Variants in KAT6A observed in about 807,000 individuals in gnomAD.
KAT6A encodes histone acetyltransferase KAT6A.
Under a neutral mutation model 198.4 loss-of-function variants are expected in KAT6A, and 9 were observed. That is an observed-to-expected ratio of 0.05 (90% CI 0.03 to 0.08). The LOEUF is 0.08. Ranked by LOEUF, KAT6A falls within the 10% of genes least tolerant of loss-of-function variation. The pLI is 1.00. For missense variants in KAT6A, 2,077 were observed against 2,509.9 expected, an observed-to-expected ratio of 0.83 and a Z score of 3.69; for synonymous variants, 890 against 883.0, an observed-to-expected ratio of 1.01 and a Z score of -0.14.
intron 8 of KAT6A, among the ~76,000 whole-genome samples, chr8:41,970,314 C>T (rs1257972154): frequency 6.6e-6 from 1 of 152,176 alleles, no homozygotes; most frequent in Non-Finnish European, 1.5e-5. Flanking sequence ...GGTGCCAATA[C>T]ACACACAGAC....
At chr8:42,031,625 T>G (rs1328281503) in intron 2 of KAT6A, among the ~76,000 whole-genome samples, 1 of 125,576 alleles carries the variant, frequency 8.0e-6, no homozygotes, top group African/African-American at 2.9e-5. Flanking sequence ...CACTTTTTTT[T>G]TTTTTTTTTT....
chr8:42,007,416 T>A (rs1825803029), intron 2 of KAT6A, among the ~76,000 whole-genome samples: 1 of 152,214 alleles, frequency 6.6e-6, no homozygotes, highest in South Asian at 2.1e-4. Context: ...TCTAAAATTA[T>A]AGTATAAAAC....
At chr8:41,939,391 G>A (rs1011056392) in intron 15 of KAT6A, among the ~76,000 whole-genome samples, 1 of 152,018 alleles carries the variant, frequency 6.6e-6, no homozygotes, top group African/African-American at 2.4e-5. Context: ...TTTTACAGAC[G>A]GAGTCTTGCT....
intron 2 of KAT6A, among the ~76,000 whole-genome samples, chr8:41,990,051 G>GA (rs1289059924): frequency 5.2e-4 from 74 of 143,204 alleles, no homozygotes; most frequent in South Asian, 6.8e-4. Context: ...AAAATCTGGG[G>GA]AAAAAAAAAA....
intron 2 of KAT6A, among the ~76,000 whole-genome samples, chr8:41,991,504 T>C (rs1232997906): frequency 6.6e-6 from 1 of 152,228 alleles, no homozygotes; most frequent in Non-Finnish European, 1.5e-5. Flanking sequence ...ACTGAGGTGC[T>C]GGTAATGTTC....
intron 9 of KAT6A, 107 bp from the exon 10 acceptor site, chr8:41,949,470 T>TA (rs199706316): frequency 0.019 from 12,097 of 640,082 alleles, 1 homozygote; most frequent in East Asian, 0.022. Flanking sequence ...GGTAACAGGT[T>TA]AAAAAAAAAA....
intron 11 of KAT6A, among the ~76,000 whole-genome samples, chr8:41,947,452 G>A (rs1375509274): frequency 6.6e-6 from 1 of 152,230 alleles, no homozygotes; most frequent in East Asian, 1.9e-4. Context: ...ACAGAACTCA[G>A]AGAGCTAATG....
intron 3 of KAT6A, 107 bp from the exon 4 acceptor site, chr8:41,982,061 T>A: frequency 1.5e-6 from 1 of 662,516 alleles, no homozygotes; most frequent in Non-Finnish European, 2.7e-6. Flanking sequence ...ATACAAAATA[T>A]ATATCAAATA....
rs183081814 is a variant in KAT6A at position 41,954,912 on chromosome 8, T to C, written c.1598+384A>G. ...ACCATTTATTAAGTTTGTCAAATTA[T>C]AAATATTTATTTACATCAAAGACTA... is the stretch of plus-strand genomic sequence containing the variant. On this transcript the variant is annotated intron_variant, in intron 9 of 16. Coordinates refer to ENST00000265713, the MANE Select transcript of KAT6A (RefSeq NM_006766.5). Among the ~76,000 whole-genome samples, 706 of 152,316 alleles carry C rather than the reference T, an allele frequency of 4.6e-3. 4 individuals are homozygous for C. Among genetic ancestry groups the C allele is most frequent in the Middle Eastern group, 0.01 (3 of 294 alleles).
chr8:41,937,155 G>T, intron 16 of KAT6A, 101 bp downstream of exon 16: 1 of 853,652 alleles, frequency 1.2e-6, no homozygotes, highest in Non-Finnish European at 1.8e-6. Context: ...TGCTTAGTGG[G>T]TTGTGTTCAT....
intron 8 of KAT6A, among the ~76,000 whole-genome samples, chr8:41,962,698 C>T (rs1684632182): frequency 6.6e-6 from 1 of 152,074 alleles, no homozygotes; most frequent in African/African-American, 2.4e-5. Flanking sequence ...CCATCTCATT[C>T]AGAGTAAAAG....
chr8:42,044,456 A>T (rs1827815016), intron 2 of KAT6A, among the ~76,000 whole-genome samples: 1 of 152,112 alleles, frequency 6.6e-6, no homozygotes, highest in Non-Finnish European at 1.5e-5. Flanking sequence ...ATCAATGTGA[A>T]AAGAACACAC....
At chr8:41,977,972 T>A (rs981784420) in intron 6 of KAT6A, among the ~76,000 whole-genome samples, 1 of 152,238 alleles carries the variant, frequency 6.6e-6, no homozygotes, top group African/African-American at 2.4e-5. Context: ...TTGACAAGCC[T>A]GAAGACGTTT....
In KAT6A at chr8:41,978,663, C is replaced by G; in HGVS notation, c.1022G>C (p.Arg341Thr). Residue 341 changes from arginine (R) to threonine (T), a missense_variant, in exon 6 of 17, where the codon AGG (arginine) becomes ACG (threonine). By Grantham distance (71) the Arg-to-Thr change is moderately conservative. Transcript: ENST00000265713. Reference protein sequence around the residue: ...YTNPIGRPKNRLKKQNTVSKG... With the variant: ...YTNPIGRPKNTLKKQNTVSKG... ...TTACACCGTGTTTTGTTTCTTTAAC[C>G]TGTTTTTTGGACGTCCTATTGGATT... 1 of 1,613,898 alleles carries G rather than the reference C, an allele frequency of 6.2e-7. No individual in the cohort carries two copies. The highest frequency in any genetic ancestry group is 8.5e-7 in the Non-Finnish European group (1 of 1,179,892).
chr8:41,977,688 T>C (rs978871470), intron 6 of KAT6A, among the ~76,000 whole-genome samples: 2 of 152,170 alleles, frequency 1.3e-5, no homozygotes, highest in African/African-American at 4.8e-5. Context: ...CTAAGATCCT[T>C]CCAGGTATAA....
At chr8:41,976,165 G>C (rs1824040146) in intron 7 of KAT6A, among the ~76,000 whole-genome samples, 1 of 152,188 alleles carries the variant, frequency 6.6e-6, no homozygotes, top group Admixed American at 6.5e-5. Flanking sequence ...CCTCACCAAG[G>C]AGACATTCAG....
chr8:41,959,026 G>GT (rs1250001009), intron 8 of KAT6A, among the ~76,000 whole-genome samples: 15 of 152,060 alleles, frequency 9.9e-5, no homozygotes, highest in Admixed American at 9.2e-4. Flanking sequence ...GAGGAGCTTG[G>GT]TGGCGGGCAC....
At position 41,977,327 on chromosome 8, in the gene KAT6A, T is replaced by G; in HGVS notation, c.1044A>C (p.Val348=). The G allele has an allele frequency of 6.2e-7, 1 of 1,608,906 alleles. No individual in the cohort carries two copies. The highest frequency in any genetic ancestry group is 8.5e-7 in the Non-Finnish European group (1 of 1,176,706). ...PKNRLKKQNT[V]SKGPFSKVRT... ...GAACTTTGCTGAAGGGACCTTTTGA[T>G]CTAAACAATTAAACAGGGGAAAGGG... Residue 348 remains valine (V), a splice_region_variant and synonymous_variant, in exon 7 of 17, where the codon GTA becomes GTC. Coordinates refer to ENST00000265713, the MANE Select transcript of KAT6A (RefSeq NM_006766.5).
intron 8 of KAT6A, among the ~76,000 whole-genome samples, chr8:41,967,270 A>T (rs909450099): frequency 1.5e-5 from 1 of 66,108 alleles, no homozygotes; most frequent in Admixed American, 1.2e-4. Flanking sequence ...TTTTTAAAAA[A>T]AAAAATTTAT....
Sources: allele counts gnomAD v4.1 joint callset (sites outside exome capture counted in the v4.1 genomes callset), GRCh38; gene constraint gnomAD v4.1.1; transcripts MANE v1.5; gene names NCBI Gene and HGNC (gene_info 2026-07-23, HGNC 2026-07-21).